The following COL4A4 variants were observed in gnomAD, a reference collection of about 807,000 sequenced individuals.
COL4A4 encodes the protein collagen type IV alpha 4 chain.
A neutral mutation model predicts 192.9 loss-of-function variants in COL4A4; 105 were observed. The ratio of observed to expected loss-of-function variants is 0.54; its 90% CI spans 0.46 to 0.64. The LOEUF is 0.64. Ranked by LOEUF, COL4A4 falls within the 30% of genes least tolerant of loss-of-function variation. The pLI is 0.00. For missense variants in COL4A4, 1,967 were observed against 2,169.3 expected, an observed-to-expected ratio of 0.91 and a Z score of 1.85; for synonymous variants, 762 against 769.9, an observed-to-expected ratio of 0.99 and a Z score of 0.17.
rs986417165 is a variant in COL4A4 at position 227,083,534 on chromosome 2, A to C, written c.1624-1347T>G. ...CAATCATAACTCACTGCAGCCTTAAACCTCTGGGCTCAAGCAATCCTCCTA... is the reference window on the plus strand; with the variant it reads ...CAATCATAACTCACTGCAGCCTTAACCCTCTGGGCTCAAGCAATCCTCCTA... On this transcript the variant is annotated intron_variant, in intron 22 of 47. Transcript: ENST00000396625. Among the ~76,000 whole-genome samples the C allele has an allele frequency of 3.5e-4, 53 of 152,044 alleles. 1 individual carries two copies. The highest frequency in any genetic ancestry group is 7.4e-5 in the Non-Finnish European group (5 of 68,016).
At chr2:227,153,947 A>C (rs2064140365) in intron 1 of COL4A4, among the ~76,000 whole-genome samples, 1 of 152,170 alleles carries the variant, frequency 6.6e-6, no homozygotes, top group African/African-American at 2.4e-5. Flanking sequence ...CCAGTTGGAC[A>C]GAAGGCATGG....
chr2:227,091,324 T>A (rs145344594), intron 20 of COL4A4, among the ~76,000 whole-genome samples: 1,842 of 149,410 alleles, frequency 0.012, 37 homozygotes, highest in African/African-American at 0.043. Flanking sequence ...AGAGCAGAAA[T>A]TTAAAAATTC....
At chr2:227,158,168 C>G (rs2064503574) in intron 1 of COL4A4, among the ~76,000 whole-genome samples, 2 of 152,044 alleles carry the variant, frequency 1.3e-5, no homozygotes, top group Admixed American at 6.6e-5. Context: ...ATAAATGGAA[C>G]CAAAAGACTC....
the COL4A4 span, among the ~76,000 whole-genome samples, chr2:226,994,644 A>T: frequency 6.6e-6 from 1 of 152,266 alleles, no homozygotes; most frequent in South Asian, 2.1e-4. Flanking sequence ...TGGTTTCCTC[A>T]TGGGGAATAT....
intron 1 of COL4A4, among the ~76,000 whole-genome samples, chr2:227,148,333 G>T (rs1167098623): frequency 1.3e-5 from 2 of 152,218 alleles, no homozygotes; most frequent in Admixed American, 6.5e-5. Context: ...GAAAAGGAAT[G>T]AAGTGCTGAT....
intron 38 of COL4A4, 66 bp downstream of exon 38, chr2:227,033,344 G>C (rs1026203321): frequency 3.8e-6 from 5 of 1,324,560 alleles, no homozygotes; most frequent in African/African-American, 1.4e-5. Flanking sequence ...TACCAGGGAG[G>C]GTACCACTTT....
At chr2:227,085,110 G>A (rs567247718) in intron 22 of COL4A4, among the ~76,000 whole-genome samples, 3 of 150,058 alleles carry the variant, frequency 2.0e-5, no homozygotes, top group South Asian at 2.1e-4. Context: ...CAGCCTGGGC[G>A]ACAAGAGTGA....
At chr2:227,100,176 G>A (rs2060427955) in intron 17 of COL4A4, among the ~76,000 whole-genome samples, 1 of 152,064 alleles carries the variant, frequency 6.6e-6, no homozygotes, top group Admixed American at 6.6e-5. Context: ...TGCCAGATGA[G>A]GTCACAAAAG....
chr2:226,983,203 C>A, the COL4A4 span, among the ~76,000 whole-genome samples: 98 of 152,228 alleles, frequency 6.4e-4, 1 homozygote, highest in Non-Finnish European at 1.6e-4. Context: ...TTTCTGGGTC[C>A]CCCAACAGAC....
At chr2:227,154,871 AAC>A (rs1268080747) in intron 1 of COL4A4, among the ~76,000 whole-genome samples, 3 of 152,176 alleles carry the variant, frequency 2.0e-5, no homozygotes, top group African/African-American at 7.2e-5. Context: ...ACCATTTCCC[AAC>A]ATACAAGCTG....
rs1187419564 is a variant in COL4A4 at position 227,115,269 on chromosome 2, C to CTTTT, written c.490-577_490-574dup. Among the ~76,000 whole-genome samples the CTTTT allele has an allele frequency of 8.3e-3, 1,023 of 123,908 alleles. 40 individuals carry two copies. Among genetic ancestry groups the CTTTT allele is most frequent in the African/African-American group, 0.031 (946 of 30,886 alleles). 81.3% of individuals were successfully genotyped at this position (123,908 alleles called of 152,430 possible). The stretch of plus-strand genomic sequence containing the variant: ...AATATCTTAATATCCTACTTTAATT[C>CTTTT]TTTTTTTTTTTTTTTTTTTGAGACA... On this transcript the variant is annotated intron_variant, in intron 7 of 47. Coordinates refer to ENST00000396625, the MANE Select transcript of COL4A4 (RefSeq NM_000092.5).
chr2:227,101,641 A>G (rs958410175), intron 16 of COL4A4, 84 bp from the exon 17 acceptor site: 3 of 1,351,624 alleles, frequency 2.2e-6, no homozygotes, highest in East Asian at 2.4e-5. Context: ...TAAGCAACAC[A>G]TTGCCCACTG....
intron 25 of COL4A4, among the ~76,000 whole-genome samples, chr2:227,068,581 G>A (rs1350949372): frequency 1.3e-5 from 2 of 152,210 alleles, no homozygotes; most frequent in Non-Finnish European, 1.5e-5. Flanking sequence ...ATCAATAAAT[G>A]TAATCCAGCA....
intron 28 of COL4A4, 43 bp downstream of exon 28, chr2:227,059,362 T>C: frequency 6.5e-7 from 1 of 1,537,874 alleles, no homozygotes; most frequent in South Asian, 1.1e-5. Flanking sequence ...GTTCCAAAAC[T>C]GAGCCAGCTC....
intron 40 of COL4A4, 53 bp from the exon 41 acceptor site, chr2:227,030,651 T>C (rs1293890061): frequency 1.4e-6 from 2 of 1,448,134 alleles, no homozygotes; most frequent in African/African-American, 2.8e-5. Context: ...CGAATGTGTA[T>C]ACTGGCTGCT....
intron 21 of COL4A4, among the ~76,000 whole-genome samples, 200 bp from the exon 22 acceptor site, chr2:227,089,016 T>C (rs1191125247): frequency 3.3e-5 from 5 of 152,092 alleles, no homozygotes; most frequent in African/African-American, 1.2e-4. Flanking sequence ...GGATGTAGGG[T>C]GGGCATACCA....
chr2:227,122,334 T>G (rs2061844779), intron 4 of COL4A4, among the ~76,000 whole-genome samples: 1 of 152,166 alleles, frequency 6.6e-6, no homozygotes, highest in African/African-American at 2.4e-5. Flanking sequence ...CTCTCAAAAT[T>G]TTTGCAAAGA....
intron 3 of COL4A4, among the ~76,000 whole-genome samples, chr2:227,141,210 G>A (rs2063186102): frequency 6.6e-6 from 1 of 152,218 alleles, no homozygotes; most frequent in Non-Finnish European, 1.5e-5. Flanking sequence ...GAAAGCATCA[G>A]AGAAAAGGTT....
At chr2:227,036,443 C>A (rs781644575) in intron 37 of COL4A4, among the ~76,000 whole-genome samples, 3 of 152,194 alleles carry the variant, frequency 2.0e-5, no homozygotes, top group Non-Finnish European at 4.4e-5. Flanking sequence ...GAAATTTCTA[C>A]ATCCTGAAAT....
Sources: gnomAD v4.1 joint callset for allele counts (sites outside exome capture counted in the v4.1 genomes callset) on GRCh38, gnomAD v4.1.1 for gene constraint, MANE v1.5 for transcripts, NCBI Gene and HGNC (gene_info 2026-07-23, HGNC 2026-07-21) for gene names.